Variants in CUL9 observed in about 807,000 individuals in gnomAD.
CUL9 encodes the protein cullin-9.
CUL9 carries 79 observed loss-of-function variants against 272.6 expected under a neutral mutation model. The ratio of observed to expected loss-of-function variants is 0.29; its 90% confidence interval spans 0.24 to 0.35. The LOEUF is 0.35. CUL9 is among the 10% of genes least tolerant of loss of function. The probability of loss-of-function intolerance (pLI) is 1.00; values close to 1 mark genes in which losing one functional copy is unlikely to be tolerated. For missense variants in CUL9, 2,532 were observed against 3,255.6 expected, an observed-to-expected ratio of 0.78 and a Z score of 5.41; for synonymous variants, 1,186 against 1,286.5, an observed-to-expected ratio of 0.92 and a Z score of 1.67.
Position 43,184,716 on chromosome 6 carries a change from C to A in CUL9, c.406C>A (p.Pro136Thr). The A allele has an allele frequency of 6.2e-7, 1 of 1,614,128 alleles. No individual in the cohort carries two copies. Among genetic ancestry groups the A allele is most frequent in the Non-Finnish European group, 8.5e-7 (1 of 1,179,994 alleles). ...CAGGCAGCTGGCAGAAAGTGGGACCCCAAGCCTCACGGCCGCTGTGCTTCA... is the reference window on the plus strand; with the variant it reads ...CAGGCAGCTGGCAGAAAGTGGGACCACAAGCCTCACGGCCGCTGTGCTTCA... ...AARQLAESGT[P>T]SLTAAVLHTI... Residue 136 changes from proline to threonine, a missense_variant, in exon 2 of 41, where the codon CCA becomes ACA. Physicochemically the swap from Pro to Thr is conservative, Grantham distance 38 (BLOSUM62 -1). Transcript: ENST00000252050. The surrounding 1 kb of genome is among the most constrained non-coding windows in gnomAD (Gnocchi z 4.8).
Position 43,200,002 on chromosome 6 carries a change from G to T in CUL9, c.3230G>T (p.Cys1077Phe). 6.2e-7 allele frequency: 1 copy of T among 1,614,212 alleles called. No individual in the cohort carries two copies. Among genetic ancestry groups the T allele is most frequent in the Non-Finnish European group, 8.5e-7 (1 of 1,180,036 alleles). Residue 1077 changes from cysteine (C) to phenylalanine (F), a missense_variant, in exon 14 of 41, where the codon TGC becomes TTC. By Grantham distance (205) the Cys-to-Phe change is radical (BLOSUM62 -2). Coordinates refer to ENST00000252050, the MANE Select transcript of CUL9 (RefSeq NM_015089.4). The surrounding 1 kb of genome is among the most constrained non-coding windows in gnomAD (Gnocchi z 4.0). ...MHKDYAVVLC[C>F]LGAKEILSKV... ...AAGGACTATGCTGTGGTGCTCTGCT[G>T]CCTGGGAGCAAAAGAGATCCTCTCC...
intron 24 of CUL9, 141 bp downstream of exon 24, chr6:43,205,564 C>T: frequency 1.0e-6 from 1 of 953,486 alleles, no homozygotes; most frequent in Admixed American, 2.4e-5. Context: ...GGCGCGGTGG[C>T]TCACGCATGT....
chr6:43,202,869 T>A (rs763538863), intron 17 of CUL9, 48 bp downstream of exon 17: 9 of 1,556,750 alleles, frequency 5.8e-6, no homozygotes, highest in Middle Eastern at 1.7e-4. Context: ...TCCTTCTTTT[T>A]GTCCCAGTGC....
Position 43,184,858 on chromosome 6 carries a change from G to A in CUL9, c.548G>A (p.Arg183His), listed in dbSNP as rs748263558. ...TTATGCAATCCTGAGCCTCAGATCCGCCGGAGTGCAGGCAAAATGCTGCAG... is the reference window on the plus strand; with the variant it reads ...TTATGCAATCCTGAGCCTCAGATCCACCGGAGTGCAGGCAAAATGCTGCAG... ...HMLCNPEPQIRRSAGKMLQAL... is the reference protein window; with the variant it reads ...HMLCNPEPQIHRSAGKMLQAL... The change falls in exon 2 of 41, where the codon CGC becomes CAC. Residue 183 changes from arginine (R) to histidine (H), a missense_variant. By Grantham distance (29) the Arg-to-His change is conservative. Transcript: ENST00000252050. The surrounding 1 kb of genome is among the most constrained non-coding windows in gnomAD (Gnocchi z 4.8). 11 of 1,604,904 alleles carry A rather than the reference G, an allele frequency of 6.9e-6. No homozygotes were observed. The highest frequency in any genetic ancestry group is 3.3e-5 in the South Asian group (3 of 91,056).
Position 43,185,630 on chromosome 6 carries a change from GA to G in CUL9, c.750+23del. The G allele has an allele frequency of 6.2e-7, 1 of 1,606,240 alleles. No individual in the cohort carries two copies. The stretch of plus-strand genomic sequence containing the variant: ...CCTCAGGTACACTGCCAGCTGTAGG[GA>G]AATGCTGTGTACAAGGGCTAAGACA... On this transcript the variant is annotated intron_variant, in intron 3 of 40. Transcript: ENST00000252050.
rs766749247 is a variant in CUL9 at position 43,224,314 on chromosome 6, G to A, written c.7423G>A (p.Glu2475Lys). ...EEEDDEDDVP[E>K]WQQDEFDEEL... ...GGAAGACGATGAGGATGATGTGCCC[G>A]AGTGGCAGCAGGATGAGTTTGATGA... Residue 2475 changes from glutamate to lysine, a missense_variant, in exon 41 of 41, where the codon GAG becomes AAG. Physicochemically the swap from Glu to Lys is moderately conservative, Grantham distance 56. This residue lies in a region of CUL9 where 237 missense variants were observed against 305.9 expected (regional missense o/e 0.77). Transcript: ENST00000252050. The surrounding 1 kb of genome is among the most constrained non-coding windows in gnomAD (Gnocchi z 4.2). The A allele has an allele frequency of 1.6e-5, 26 of 1,614,070 alleles. No individual in the cohort carries two copies. The East Asian group carries it at 2.7e-4, about 17-fold the overall frequency.
At position 43,206,867 on chromosome 6, in the gene CUL9, T is replaced by A. The variant is rs1160604189; in HGVS notation, c.5212+357T>A. On this transcript the variant is annotated intron_variant, in intron 26 of 40. Coordinates refer to ENST00000252050, the MANE Select transcript of CUL9 (RefSeq NM_015089.4). The surrounding 1 kb of genome is among the most constrained non-coding windows in gnomAD (Gnocchi z 4.8). Reference sequence around the variant, plus strand: ...ATTTTTTTTCTTTATTTTTTTGACATGGAGTCTCACTCTGTCACCCAGACC... The same window carrying A: ...ATTTTTTTTCTTTATTTTTTTGACAAGGAGTCTCACTCTGTCACCCAGACC... Among the ~76,000 whole-genome samples, 3 of 152,176 alleles carry A rather than the reference T, an allele frequency of 2.0e-5. No homozygotes were observed. The highest frequency in any genetic ancestry group is 4.4e-5 in the Non-Finnish European group (3 of 68,034).
intron 26 of CUL9, among the ~76,000 whole-genome samples, chr6:43,209,388 A>C (rs1044109067): frequency 1.3e-5 from 2 of 148,850 alleles, no homozygotes; most frequent in African/African-American, 5.0e-5. Flanking sequence ...TGACCTCGTG[A>C]TTTGCCTGCC....
intron 8 of CUL9, among the ~76,000 whole-genome samples, chr6:43,189,420 G>A (rs1025572714): frequency 1.3e-5 from 2 of 152,076 alleles, no homozygotes; most frequent in Admixed American, 1.3e-4. Context: ...TTCTGACCTC[G>A]TGATCTGCCT....
Position 43,199,148 on chromosome 6 carries a change from C to G in CUL9, c.3051-118C>G. On this transcript the variant is annotated intron_variant, in intron 12 of 40. Coordinates refer to ENST00000252050, the MANE Select transcript of CUL9 (RefSeq NM_015089.4). This position sits in a 1 kb window ranked among gnomAD's most constrained non-coding sequence, Gnocchi z 4.4. ...ATGGGGTTTCTCCATTTTGGTCAGG[C>G]TGGTCTCGAACTCCCGACCTCAGGT... is the stretch of plus-strand genomic sequence containing the variant. 1.1e-6 allele frequency: 1 copy of G among 874,368 alleles called. No individual in the cohort carries two copies. Among genetic ancestry groups the G allele is most frequent in the Non-Finnish European group, 1.9e-6 (1 of 539,632 alleles). The allele number at this position is 874,368 out of a possible 1,614,324, so 54.2% of individuals were successfully genotyped here. A position where few individuals can be genotyped will look rare whatever the true frequency, so the allele number is the denominator to read the frequency against.
intron 31 of CUL9, among the ~76,000 whole-genome samples, chr6:43,219,190 AAGAGAGAG>A (rs141684867): frequency 4.7e-5 from 7 of 150,016 alleles, no homozygotes; most frequent in African/African-American, 1.5e-4. Flanking sequence ...CTTTGTTTAA[AAGAGAGAG>A]AGAGAGAGAG....
Position 43,221,593 on chromosome 6 carries a change from C to A in CUL9, c.6753-92C>A. ...ACTATCAGGGCAGGAGCAGAGGCCA[C>A]AGCATCAACAGCGGTACATCTGGGC... On this transcript the variant is annotated intron_variant, in intron 34 of 40. Coordinates refer to ENST00000252050, the MANE Select transcript of CUL9 (RefSeq NM_015089.4). This position sits in a 1 kb window ranked among gnomAD's most constrained non-coding sequence, Gnocchi z 4.2. 8.4e-7 allele frequency: 1 copy of A among 1,195,896 alleles called. No individual in the cohort carries two copies. Among genetic ancestry groups the A allele is most frequent in the Non-Finnish European group, 1.2e-6 (1 of 830,244 alleles). 74.1% of individuals were successfully genotyped at this position (1,195,896 alleles called of 1,614,324 possible). A position where few individuals can be genotyped will look rare whatever the true frequency, so the allele number is the denominator to read the frequency against.
chr6:43,210,784 A>C (rs1381834233), intron 26 of CUL9, among the ~76,000 whole-genome samples: 1 of 152,050 alleles, frequency 6.6e-6, no homozygotes, highest in African/African-American at 2.4e-5. Context: ...TAATTAATTG[A>C]CTGTTTCTAA....
chr6:43,188,620 A>G lies in CUL9; in HGVS notation c.2085A>G (p.Thr695=), dbSNP rs750709067. 1.2e-6 allele frequency: 2 copies of G among 1,614,216 alleles called. No individual in the cohort carries two copies. Among genetic ancestry groups the G allele is most frequent in the Admixed American group, 3.3e-5 (2 of 60,024 alleles). ...VATVQISSLD[T]NLQLSGLSAL... Reference sequence around the variant, plus strand: ...CTGTGCAGATATCCAGCTTGGACACAAACCTGCAGCTTTCAGGGCTCTCTG... The same window carrying G: ...CTGTGCAGATATCCAGCTTGGACACGAACCTGCAGCTTTCAGGGCTCTCTG... The change falls in exon 8 of 41, where the codon ACA becomes ACG. Residue 695 remains threonine (T), a synonymous_variant. Coordinates refer to ENST00000252050, the MANE Select transcript of CUL9 (RefSeq NM_015089.4).
In CUL9 at chr6:43,200,718, C is replaced by T; in HGVS notation, c.3531C>T (p.Ser1177=). 1.2e-6 allele frequency: 2 copies of T among 1,614,228 alleles called. No homozygotes were observed. Among genetic ancestry groups the T allele is most frequent in the African/African-American group, 2.7e-5 (2 of 75,044 alleles). The part of the protein sequence containing the change: ...DKCWEKVEVS[S]NPHRASKLTD... ...GCTGGGAGAAGGTGGAGGTGTCCTC[C>T]AACCCGCACCGAGCCAGCAAGCTGA... Residue 1177 remains serine (S), a synonymous_variant, in exon 16 of 41, where the codon TCC becomes TCT. Coordinates refer to ENST00000252050, the MANE Select transcript of CUL9 (RefSeq NM_015089.4). This position sits in a 1 kb window ranked among gnomAD's most constrained non-coding sequence, Gnocchi z 4.0.
Position 43,188,018 on chromosome 6 carries a change from G to A in CUL9, c.1887G>A (p.Arg629=). 6.2e-7 allele frequency: 1 copy of A among 1,613,892 alleles called. No individual in the cohort carries two copies. Among genetic ancestry groups the A allele is most frequent in the Non-Finnish European group, 8.5e-7 (1 of 1,180,008 alleles). The stretch of plus-strand genomic sequence containing the variant: ...CAGAGGCCGAGCCCACCAAGACAAG[G>A]ACCGAGACCCCCATGGCACAGAGTG... ...PKTEAEPTKT[R]TETPMAQSDS... is the part of the protein sequence containing the mutation. The change falls in exon 7 of 41, where the codon AGG becomes AGA. Residue 629 remains arginine, a synonymous_variant. Coordinates refer to ENST00000252050, the MANE Select transcript of CUL9 (RefSeq NM_015089.4).
At chr6:43,193,652 T>G (rs1243914177) in intron 9 of CUL9, among the ~76,000 whole-genome samples, 1 of 152,110 alleles carries the variant, frequency 6.6e-6, no homozygotes, top group Non-Finnish European at 1.5e-5. Flanking sequence ...GTTCAAGTGA[T>G]TCTCCTGCCT....
At position 43,197,697 on chromosome 6, in the gene CUL9, C is replaced by T. The variant is rs371813006; in HGVS notation, c.2803+835C>T. ...CAGGGTTTCACCATGTTGGTCAGGCCGGTTTTGAACTCCTGACCTCGTGAT... is the reference window on the plus strand; with the variant it reads ...CAGGGTTTCACCATGTTGGTCAGGCTGGTTTTGAACTCCTGACCTCGTGAT... On this transcript the variant is annotated intron_variant, in intron 11 of 40. Transcript: ENST00000252050. 5.1e-4 allele frequency among the ~76,000 whole-genome samples: 77 copies of T among 151,814 alleles called. 1 individual carries two copies. The South Asian group carries it at 8.7e-3, about 17-fold the overall frequency.
Position 43,204,838 on chromosome 6 carries a change from T to TGAGCGTGGTGCAGGAGCAGGTGGGCA in CUL9, c.4433_4449+9dup. On this transcript the variant is annotated frameshift_variant, in exon 22 of 41. Coordinates refer to ENST00000252050, the MANE Select transcript of CUL9 (RefSeq NM_015089.4). LOFTEE classifies it high-confidence loss of function. ...CTGAGGAACATAACCCAGTGCTGGC[T>TGAGCGTGGTGCAGGAGCAGGTGGGCA]GAGCGTGGTGCAGGAGCAGGTGGGC... The TGAGCGTGGTGCAGGAGCAGGTGGGCA allele has an allele frequency of 6.2e-7, 1 of 1,614,234 alleles. No homozygotes were observed. Among genetic ancestry groups the TGAGCGTGGTGCAGGAGCAGGTGGGCA allele is most frequent in the Non-Finnish European group, 8.5e-7 (1 of 1,180,038 alleles).
Sources: gnomAD v4.1 joint callset for allele counts (sites outside exome capture counted in the v4.1 genomes callset) on GRCh38, gnomAD v4.1.1 for gene constraint, gnomAD v4.1.1 regional missense constraint, Gnocchi (gnomAD v3.1) non-coding constraint, MANE v1.5 for transcripts, NCBI Gene and HGNC (gene_info 2026-07-23, HGNC 2026-07-21) for gene names.